SLTM: variants seen among roughly 807,000 people sequenced by gnomAD.
The protein encoded by SLTM is SAFB-like transcription modulator.
Under a neutral mutation model 134.6 loss-of-function variants are expected in SLTM, and 43 were observed. That is an observed-to-expected ratio of 0.32 (90% CI 0.25 to 0.41). The LOEUF (loss-of-function observed/expected upper bound fraction) is 0.41. Among genes scored for constraint, SLTM ranks in the 10% least tolerant of loss-of-function variants. SLTM has a pLI of 1.00. For missense variants in SLTM, 1,055 were observed against 1,288.8 expected (o/e 0.82, Z 2.78); for synonymous variants, 424 against 432.3 (o/e 0.98, Z 0.24).
At chr15:58,924,292 G>A (rs1289491954) in intron 2 of SLTM, among the ~76,000 whole-genome samples, 1 of 152,160 alleles carries the variant, frequency 6.6e-6, no homozygotes, top group Non-Finnish European at 1.5e-5. Flanking sequence ...TAACTTGCAT[G>A]ATTTGAGGGC....
intron 2 of SLTM, among the ~76,000 whole-genome samples, chr15:58,922,707 A>G (rs1219009703): frequency 1.3e-5 from 2 of 148,896 alleles, no homozygotes; most frequent in Non-Finnish European, 3.0e-5. Context: ...CAAGCATTGT[A>G]TCTTTCTTTT....
At chr15:58,926,231 G>A (rs2037455393) in intron 2 of SLTM, among the ~76,000 whole-genome samples, 1 of 152,158 alleles carries the variant, frequency 6.6e-6, no homozygotes, top group Non-Finnish European at 1.5e-5. Context: ...AGAAGCTGTT[G>A]AGAAGAATAT....
In SLTM at chr15:58,899,833, G is replaced by C; in HGVS notation, c.694C>G (p.His232Asp). 1 of 1,614,166 alleles carries C rather than the reference G, an allele frequency of 6.2e-7. No homozygotes were observed. The highest frequency in any genetic ancestry group is 8.5e-7 in the Non-Finnish European group (1 of 1,180,016). Residue 232 changes from histidine to aspartate, a missense_variant, in exon 7 of 21, where the codon CAT becomes GAT. His to Asp is a moderately conservative substitution (Grantham distance 81, BLOSUM62 -1). Around this residue, in one of 3 missense-constraint regions of SLTM, gnomAD observed 268 missense variants for 284.3 expected, o/e 0.94. Coordinates refer to ENST00000380516, the MANE Select transcript of SLTM (RefSeq NM_024755.4). The surrounding 1 kb of genome is among the most constrained non-coding windows in gnomAD (Gnocchi z 5.0). ...TCCTCAGCTTCTTTCACAGTCGTAT[G>C]AGCTTCCATCTCTTCATGAGCTGTG... Reference protein sequence around the residue: ...DHTAHEEMEAHTTVKEAEDDN... With the variant: ...DHTAHEEMEADTTVKEAEDDN...
At position 58,916,976 on chromosome 15, in the gene SLTM, A is replaced by C; in HGVS notation, c.274T>G (p.Leu92Val). The C allele has an allele frequency of 6.2e-7, 1 of 1,613,706 alleles. No individual in the cohort carries two copies. The change falls in exon 3 of 21, where the codon TTG (leucine) becomes GTG (valine). Residue 92 changes from leucine (L) to valine (V), a missense_variant. Coordinates refer to ENST00000380516, the MANE Select transcript of SLTM (RefSeq NM_024755.4). ...GKGKKHEADE[L>V]SGDASVEDDA... ...TCTTCCACAGAAGCATCTCCACTCAACTCATCTGCTTCATGTTTTTTACCT... is the reference window on the plus strand; with the variant it reads ...TCTTCCACAGAAGCATCTCCACTCACCTCATCTGCTTCATGTTTTTTACCT...
At chr15:58,908,050 T>G (rs1179449716) in intron 5 of SLTM, among the ~76,000 whole-genome samples, 1 of 115,000 alleles carries the variant, frequency 8.7e-6, no homozygotes, top group Non-Finnish European at 1.9e-5. Context: ...TATACATAAT[T>G]TCTTTTTCTT....
intron 5 of SLTM, among the ~76,000 whole-genome samples, chr15:58,903,018 C>T (rs2035598957): frequency 6.6e-6 from 1 of 152,172 alleles, no homozygotes; most frequent in African/African-American, 2.4e-5. Flanking sequence ...TCTCCTGCTT[C>T]AGCCTCCCAA....
chr15:58,879,320 G>C lies in SLTM; in HGVS notation c.*679C>G, dbSNP rs1267136145. On this transcript the variant is annotated 3_prime_UTR_variant, in exon 21 of 21. Coordinates refer to ENST00000380516, the MANE Select transcript of SLTM (RefSeq NM_024755.4). ...ACAAACCTCATGGCCAAGGTTTCAT[G>C]AATCTATTTGGTTTCATACCATGCA... 1 of 152,332 alleles carries C rather than the reference G, an allele frequency of 6.6e-6. No individual in the cohort carries two copies. Among genetic ancestry groups the C allele is most frequent in the Non-Finnish European group, 1.5e-5 (1 of 68,050 alleles). 9.4% of individuals were successfully genotyped at this position (152,332 alleles called of 1,614,324 possible).
At position 58,899,060 on chromosome 15, in the gene SLTM, G is replaced by A; in HGVS notation, c.1059-208C>T. 1 of 503,704 alleles carries A rather than the reference G, an allele frequency of 2.0e-6. No individual in the cohort carries two copies. Among genetic ancestry groups the A allele is most frequent in the Non-Finnish European group, 3.5e-6 (1 of 286,964 alleles). 31.2% of individuals were successfully genotyped at this position (503,704 alleles called of 1,614,324 possible). Reference sequence around the variant, plus strand: ...AGATGCCTGAAGATCTAGATTTTCTGACAATTCTATTCAGTGGAAATATGG... The same window carrying A: ...AGATGCCTGAAGATCTAGATTTTCTAACAATTCTATTCAGTGGAAATATGG... On this transcript the variant is annotated intron_variant, in intron 7 of 20. Coordinates refer to ENST00000380516, the MANE Select transcript of SLTM (RefSeq NM_024755.4). This position sits in a 1 kb window ranked among gnomAD's most constrained non-coding sequence, Gnocchi z 5.0.
intron 8 of SLTM, 115 bp downstream of exon 8, chr15:58,898,688 T>C (rs2035266207): frequency 2.8e-6 from 2 of 705,960 alleles, no homozygotes; most frequent in Non-Finnish European, 4.9e-6. Flanking sequence ...AAGTTTCTAG[T>C]CTGTCAATAA....
intron 2 of SLTM, among the ~76,000 whole-genome samples, chr15:58,918,326 G>C (rs185081171): frequency 6.6e-6 from 1 of 152,180 alleles, no homozygotes; most frequent in Admixed American, 6.5e-5. Context: ...GGCACAGACA[G>C]TGCTACTACC....
chr15:58,894,520 T>TA lies in SLTM; in HGVS notation c.1289dup (p.Thr431AsnfsTer19). On this transcript the variant is annotated frameshift_variant, in exon 10 of 21. Coordinates refer to ENST00000380516, the MANE Select transcript of SLTM (RefSeq NM_024755.4). LOFTEE classifies it high-confidence loss of function. Reference sequence around the variant, plus strand: ...ACACCTCTGTGCTTGAAGACATAGTTACAATGCCATAGCATTTTGCCCCAG... The same window carrying TA: ...ACACCTCTGTGCTTGAAGACATAGTTAACAATGCCATAGCATTTTGCCCCAG... 1 of 1,614,146 alleles carries TA rather than the reference T, an allele frequency of 6.2e-7. No individual in the cohort carries two copies. The highest frequency in any genetic ancestry group is 8.5e-7 in the Non-Finnish European group (1 of 1,180,000).
chr15:58,896,475 C>G (rs768339385), intron 9 of SLTM, among the ~76,000 whole-genome samples: 3 of 151,898 alleles, frequency 2.0e-5, no homozygotes, highest in African/African-American at 7.3e-5. Context: ...GCATGAGAAT[C>G]GTTTAAACTT....
intron 8 of SLTM, chr15:58,897,521 C>T (rs2035180397): frequency 4.0e-6 from 1 of 248,430 alleles, no homozygotes; most frequent in Non-Finnish European, 7.9e-6. Context: ...TATAGTCTAC[C>T]ACTGCACTGA....
Position 58,893,379 on chromosome 15 carries a change from T to C in SLTM, c.1649-15A>G. 1 of 1,557,850 alleles carries C rather than the reference T, an allele frequency of 6.4e-7. No individual in the cohort carries two copies. The highest frequency in any genetic ancestry group is 8.7e-7 in the Non-Finnish European group (1 of 1,149,136). ...ACTCTTGGAACCTAAGGGAAAAAAA[T>C]TATATAAAACAATGTCTAAAATTTT... On this transcript the variant is annotated splice_polypyrimidine_tract_variant and intron_variant, in intron 12 of 20. Transcript: ENST00000380516.
rs71119416 is a variant in SLTM, at chr15:58,908,062, C to CTT, written c.561+4499_561+4500dup. On this transcript the variant is annotated intron_variant, in intron 5 of 20. Coordinates refer to ENST00000380516, the MANE Select transcript of SLTM (RefSeq NM_024755.4). ...ACATATACATAATTTCTTTTTCTTT[C>CTT]TTTTTTTTTTTTAAGACAGAGTCTT... is the stretch of plus-strand genomic sequence containing the variant. Among the ~76,000 whole-genome samples the CTT allele has an allele frequency of 2.4e-3, 330 of 135,008 alleles. 3 individuals are homozygous for CTT. Among genetic ancestry groups the CTT allele is most frequent in the Non-Finnish European group, 3.5e-3 (228 of 64,616 alleles). The allele number at this position is 135,008 out of a possible 152,430, so 88.6% of individuals were successfully genotyped here.
chr15:58,913,822 C>T (rs1369971419), intron 3 of SLTM, 126 bp from the exon 4 acceptor site: 4 of 689,632 alleles, frequency 5.8e-6, no homozygotes, highest in African/African-American at 5.4e-5. Context: ...TCCCAAAGTT[C>T]ATTCATTTTA....
At chr15:58,903,984 CT>C in intron 5 of SLTM, among the ~76,000 whole-genome samples, 1 of 151,120 alleles carries the variant, frequency 6.6e-6, no homozygotes, top group African/African-American at 2.4e-5. Context: ...TAAGTATTTT[CT>C]CTCTCTCTTT....
At chr15:58,923,029 TCTGA>T (rs1159331534) in intron 2 of SLTM, among the ~76,000 whole-genome samples, 1 of 152,148 alleles carries the variant, frequency 6.6e-6, no homozygotes, top group Non-Finnish European at 1.5e-5. Flanking sequence ...TTATATATTT[TCTGA>T]CTGATAATGG....
chr15:58,931,477 G>C (rs957039069), intron 2 of SLTM, among the ~76,000 whole-genome samples: 1 of 152,154 alleles, frequency 6.6e-6, no homozygotes, highest in Admixed American at 6.5e-5. Context: ...ACTTAAAGCA[G>C]TAAAGAAAAT....
Sources: gnomAD v4.1 joint callset for allele counts (sites outside exome capture counted in the v4.1 genomes callset) on GRCh38, gnomAD v4.1.1 for gene constraint, gnomAD v4.1.1 regional missense constraint, Gnocchi (gnomAD v3.1) non-coding constraint, MANE v1.5 for transcripts, NCBI Gene and HGNC (gene_info 2026-07-23, HGNC 2026-07-21) for gene names.